HTR1D: variants seen among roughly 807,000 people sequenced by gnomAD.
HTR1D encodes 5-HT-1D.
A neutral mutation model predicts 21.1 loss-of-function variants in HTR1D; 18 were observed. The observed-to-expected ratio is 0.85, with a 90% CI of 0.59 to 1.27. The LOEUF (loss-of-function observed/expected upper bound fraction) is 1.27. Ranked by LOEUF, HTR1D falls within the 50% of genes most tolerant of loss-of-function variation. The pLI is 0.00. For synonymous variants in HTR1D, 196 were observed against 204.4 expected (o/e 0.96, Z 0.35); for missense variants, 456 against 481.4 (o/e 0.95, Z 0.49).
chr1:23,217,219 C>T lies in HTR1D; in HGVS notation c.-783+72G>A, dbSNP rs906772500. ...CGGGCCCCCGAGGCCCCAGGAGGGG[C>T]GCCGCTCCCGGCCTCAGTTCCCCGC... is the stretch of plus-strand genomic sequence containing the variant. On this transcript the variant is annotated intron_variant, in intron 1 of 1. Coordinates refer to ENST00000374619, the MANE Select transcript of HTR1D (RefSeq NM_000864.5). This position sits in a 1 kb window ranked among gnomAD's most constrained non-coding sequence, Gnocchi z 4.6. Among the ~76,000 whole-genome samples the T allele has an allele frequency of 1.3e-5, 2 of 151,828 alleles. No individual in the cohort carries two copies. Among genetic ancestry groups the T allele is most frequent in the African/African-American group, 4.8e-5 (2 of 41,392 alleles).
chr1:23,197,406 G>C (rs573083149), intron 1 of HTR1D, among the ~76,000 whole-genome samples: 7 of 152,256 alleles, frequency 4.6e-5, no homozygotes, highest in Non-Finnish European at 1.0e-4. Flanking sequence ...ATAAGCAACT[G>C]TCTCTTTCCC....
At chr1:23,208,935 G>A (rs1423205670) in intron 1 of HTR1D, among the ~76,000 whole-genome samples, 1 of 151,374 alleles carries the variant, frequency 6.6e-6, no homozygotes, top group Admixed American at 6.6e-5. Flanking sequence ...AAATGTATTA[G>A]TTACATGTTG....
rs565152784 is a variant in HTR1D, at chr1:23,213,045, C to T, written c.-783+4246G>A. On this transcript the variant is annotated intron_variant, in intron 1 of 1. Coordinates refer to ENST00000374619, the MANE Select transcript of HTR1D (RefSeq NM_000864.5). Reference sequence around the variant, plus strand: ...TTCACCATGTTGGCCAGGCTGGTCTCGAACTCCTGACCTCAAGTAATCCAC... The same window carrying T: ...TTCACCATGTTGGCCAGGCTGGTCTTGAACTCCTGACCTCAAGTAATCCAC... Among the ~76,000 whole-genome samples the T allele has an allele frequency of 4.9e-3, 734 of 151,240 alleles. 5 individuals carry two copies. The highest frequency in any genetic ancestry group is 7.0e-3 in the Non-Finnish European group (475 of 67,820).
At position 23,204,503 on chromosome 1, in the gene HTR1D, G is replaced by T. The variant is rs113599700; in HGVS notation, c.-782-9502C>A. 6.6e-3 allele frequency among the ~76,000 whole-genome samples: 1,010 copies of T among 152,266 alleles called. 11 individuals are homozygous for T. Among genetic ancestry groups the T allele is most frequent in the African/African-American group, 0.022 (928 of 41,552 alleles). ...TGACTGTCACATGAGTGACAGGTAGGTGACTTGCCCAAGATCACATGGCAG... is the reference window on the plus strand; with the variant it reads ...TGACTGTCACATGAGTGACAGGTAGTTGACTTGCCCAAGATCACATGGCAG... On this transcript the variant is annotated intron_variant, in intron 1 of 1. Coordinates refer to ENST00000374619, the MANE Select transcript of HTR1D (RefSeq NM_000864.5).
chr1:23,193,065 A>G lies in HTR1D; in HGVS notation c.*21T>C, dbSNP rs1644665697. ...GAGGTTACAGGACACAAAAGATAAC[A>G]AGAGTCATCACCGAATAAGACTAGG... On this transcript the variant is annotated 3_prime_UTR_variant, in exon 2 of 2. Coordinates refer to ENST00000374619, the MANE Select transcript of HTR1D (RefSeq NM_000864.5). 1 of 1,537,796 alleles carries G rather than the reference A, an allele frequency of 6.5e-7. No homozygotes were observed.
rs1644674825 is a variant in HTR1D at position 23,194,115 on chromosome 1, C to T, written c.105G>A (p.Gln35=). The change falls in exon 2 of 2, where the codon CAG becomes CAA. Residue 35 remains glutamine (Q), a synonymous_variant. Coordinates refer to ENST00000374619, the MANE Select transcript of HTR1D (RefSeq NM_000864.5). ...TSEAWDPRTL[Q]ALKISLAVVL... is the part of the protein sequence containing the mutation. Reference sequence around the variant, plus strand: ...CCACGGCAAGGGAGATCTTGAGCGCCTGGAGGGTCCTGGGATCCCAAGCCT... The same window carrying T: ...CCACGGCAAGGGAGATCTTGAGCGCTTGGAGGGTCCTGGGATCCCAAGCCT... 6.2e-7 allele frequency: 1 copy of T among 1,614,146 alleles called. No homozygotes were observed. The highest frequency in any genetic ancestry group is 8.5e-7 in the Non-Finnish European group (1 of 1,180,042).
intron 1 of HTR1D, among the ~76,000 whole-genome samples, chr1:23,204,942 C>A (rs1429451166): frequency 1.3e-5 from 2 of 152,168 alleles, no homozygotes; most frequent in Non-Finnish European, 2.9e-5. Flanking sequence ...GATACTTGCA[C>A]ATGCATGTTT....
At chr1:23,216,261 A>C (rs990977647) in intron 1 of HTR1D, among the ~76,000 whole-genome samples, 3 of 152,226 alleles carry the variant, frequency 2.0e-5, no homozygotes, top group Non-Finnish European at 4.4e-5. Flanking sequence ...TGCTGCTGCT[A>C]CTCAGAGAAA....
chr1:23,207,244 A>C (rs1201127715), intron 1 of HTR1D, among the ~76,000 whole-genome samples: 1 of 152,098 alleles, frequency 6.6e-6, no homozygotes, highest in Non-Finnish European at 1.5e-5. Flanking sequence ...CTAAAAAAAA[A>C]TACAAAAATT....
chr1:23,213,075 C>T (rs569366664), intron 1 of HTR1D, among the ~76,000 whole-genome samples: 181 of 152,218 alleles, frequency 1.2e-3, no homozygotes, highest in Non-Finnish European at 3.7e-4. Context: ...ATCCACCTGC[C>T]TCAGCTTCCC....
chr1:23,196,944 G>A (rs969024108), intron 1 of HTR1D, among the ~76,000 whole-genome samples: 9 of 151,966 alleles, frequency 5.9e-5, no homozygotes, highest in Admixed American at 3.3e-4. Flanking sequence ...AAAAGCCTCC[G>A]GCTGAAGTTT....
intron 1 of HTR1D, among the ~76,000 whole-genome samples, chr1:23,211,609 TTATGTATGTATG>T (rs58459077): frequency 0.01 from 1,525 of 146,736 alleles, 20 homozygotes; most frequent in African/African-American, 0.015. Flanking sequence ...CAAATCCTTT[TTATGTATGTATG>T]TATGTATGTA....
chr1:23,207,351 G>A (rs1644735801), intron 1 of HTR1D, among the ~76,000 whole-genome samples: 1 of 152,162 alleles, frequency 6.6e-6, no homozygotes, highest in Non-Finnish European at 1.5e-5. Flanking sequence ...AGAGGTTGCA[G>A]TGAGCTGAGA....
chr1:23,214,655 C>T (rs1482144665), intron 1 of HTR1D, among the ~76,000 whole-genome samples: 1 of 152,116 alleles, frequency 6.6e-6, no homozygotes, highest in Admixed American at 6.6e-5. Flanking sequence ...CCACATCACC[C>T]TGGTTTATGC....
At chr1:23,204,749 G>T (rs1185802851) in intron 1 of HTR1D, among the ~76,000 whole-genome samples, 2 of 152,166 alleles carry the variant, frequency 1.3e-5, no homozygotes, top group Non-Finnish European at 2.9e-5. Flanking sequence ...CCATCCCTGG[G>T]CTATGCGCAC....
chr1:23,198,141 G>T (rs570409298), intron 1 of HTR1D, among the ~76,000 whole-genome samples: 14 of 151,586 alleles, frequency 9.2e-5, no homozygotes, highest in Admixed American at 6.6e-4. Flanking sequence ...GGAGGCCAAG[G>T]CAGGAGGATC....
chr1:23,193,278 C>A lies in HTR1D; in HGVS notation c.942G>T (p.Trp314Cys). The change falls in exon 2 of 2, where the codon TGG becomes TGT. Residue 314 changes from tryptophan to cysteine, a missense_variant. Transcript: ENST00000374619. ...GIILGAFIIC[W>C]LPFFVVSLVL... is the part of the protein sequence containing the mutation. ...CCAGAGACACCACGAAGAAGGGCAG[C>A]CAGCAGATGATAAAGGCCCCCAGAA... The A allele has an allele frequency of 6.2e-7, 1 of 1,614,150 alleles. No individual in the cohort carries two copies. Among genetic ancestry groups the A allele is most frequent in the Admixed American group, 1.7e-5 (1 of 60,012 alleles).
rs1165084559 is a variant in HTR1D, at chr1:23,194,861, C to G, written c.-642G>C. 6.6e-6 allele frequency: 1 copy of G among 152,448 alleles called. No individual in the cohort carries two copies. Among genetic ancestry groups the G allele is most frequent in the African/African-American group, 2.4e-5 (1 of 41,452 alleles). The allele number at this position is 152,448 out of a possible 1,614,324, so 9.4% of individuals were successfully genotyped here. ...TGACGCATCCTGAGCTACTTAACTT[C>G]GGTTCCTATCCCACTGATCGTTTTA... is the stretch of plus-strand genomic sequence containing the variant. On this transcript the variant is annotated 5_prime_UTR_variant, in exon 2 of 2. Transcript: ENST00000374619.
At chr1:23,196,788 G>A (rs901487212) in intron 1 of HTR1D, among the ~76,000 whole-genome samples, 2 of 152,068 alleles carry the variant, frequency 1.3e-5, no homozygotes, top group African/African-American at 2.4e-5. Context: ...CCACCTGGCT[G>A]GAAGTGGAAA....
Sources: allele counts gnomAD v4.1 joint callset (sites outside exome capture counted in the v4.1 genomes callset), GRCh38; gene constraint gnomAD v4.1.1; non-coding constraint Gnocchi (gnomAD v3.1); transcripts MANE v1.5; gene names NCBI Gene and HGNC (gene_info 2026-07-23, HGNC 2026-07-21).